The following GALR1 variants were observed in gnomAD, a reference collection of about 807,000 sequenced individuals.
GALR1 encodes galanin receptor type 1.
A neutral mutation model predicts 17.9 loss-of-function variants in GALR1; 11 were observed. The ratio of observed to expected loss-of-function variants is 0.62; its 90% confidence interval spans 0.39 to 1.02. The LOEUF is 1.02. Among genes scored for constraint, GALR1 ranks in the 50% least tolerant of loss-of-function variants. GALR1 has a pLI of 0.01. For synonymous variants in GALR1, 206 were observed against 205.7 expected (o/e 1.00, Z -0.01); for missense variants, 441 against 456.9 (o/e 0.97, Z 0.32).
In GALR1 at chr18:77,269,248, A is replaced by T; in HGVS notation, c.*346A>T. 5.8e-6 allele frequency: 1 copy of T among 173,782 alleles called. No homozygotes were observed. Among genetic ancestry groups the T allele is most frequent in the Non-Finnish European group, 1.2e-5 (1 of 83,206 alleles). 10.8% of individuals were successfully genotyped at this position (173,782 alleles called of 1,614,324 possible). A position where few individuals can be genotyped will look rare whatever the true frequency, so the allele number is the denominator to read the frequency against. ...GAACTGGCCCATCAATATGGTCAGGAATATTTGCAGTCTACATTTTAAAGC... is the reference window on the plus strand; with the variant it reads ...GAACTGGCCCATCAATATGGTCAGGTATATTTGCAGTCTACATTTTAAAGC... On this transcript the variant is annotated 3_prime_UTR_variant, in exon 3 of 3. Transcript: ENST00000299727.
rs77911840 is a variant in GALR1 at position 77,275,283 on chromosome 18, A to G, written c.*6381A>G. ...CGTCTGCTCAGTGAGAGGAATTCCA[A>G]TGCTGGGTCTTGACTCCCGCTGCAG... On this transcript the variant is annotated 3_prime_UTR_variant, in exon 3 of 3. Transcript: ENST00000299727. 407 of 152,366 alleles carry G rather than the reference A, an allele frequency of 2.7e-3. 4 individuals carry two copies. The East Asian group carries it at 0.06, about 22-fold the overall frequency. The allele number at this position is 152,366 out of a possible 1,614,324, so 9.4% of individuals were successfully genotyped here. A position where few individuals can be genotyped will look rare whatever the true frequency, so the allele number is the denominator to read the frequency against.
At chr18:77,251,754 G>T (rs528101579) in intron 1 of GALR1, among the ~76,000 whole-genome samples, 2 of 152,162 alleles carry the variant, frequency 1.3e-5, no homozygotes, top group Non-Finnish European at 2.9e-5. Context: ...GGCCGTGGCG[G>T]GGGGGACTCG....
At position 77,268,650 on chromosome 18, in the gene GALR1, C is replaced by T. The variant is rs1303344820; in HGVS notation, c.798C>T (p.Ile266=). ...TCTCCTGGCTGCCGCACCACATCATCCATCTCTGGGCTGAGTTTGGAGTTT... is the reference window on the plus strand; with the variant it reads ...TCTCCTGGCTGCCGCACCACATCATTCATCTCTGGGCTGAGTTTGGAGTTT... ...FGISWLPHHI[I]HLWAEFGVFP... Residue 266 remains isoleucine, a synonymous_variant, in exon 3 of 3, where the codon ATC becomes ATT. Transcript: ENST00000299727. 17 of 1,614,022 alleles carry T rather than the reference C, an allele frequency of 1.1e-5. No homozygotes were observed. In the South Asian group the frequency reaches 1.1e-4, roughly 10 times the overall value.
At chr18:77,252,874 A>T in intron 1 of GALR1, among the ~76,000 whole-genome samples, 2 of 130,264 alleles carry the variant, frequency 1.5e-5, no homozygotes, top group South Asian at 2.6e-4. Context: ...CACCACCACC[A>T]CCACCATCAC....
chr18:77,252,908 C>CCAT (rs1568139035), intron 1 of GALR1, among the ~76,000 whole-genome samples: 23 of 46,340 alleles, frequency 5.0e-4, no homozygotes, highest in African/African-American at 1.1e-3. Context: ...ACCACCACCA[C>CCAT]CACCACCACC....
At chr18:77,258,686 G>C (rs1248981215) in intron 2 of GALR1, among the ~76,000 whole-genome samples, 41 of 147,122 alleles carry the variant, frequency 2.8e-4, no homozygotes, top group African/African-American at 8.9e-4. Flanking sequence ...TGGTGATGGT[G>C]ATGGTGGTGG....
rs1912356080 is a variant in GALR1 at position 77,250,078 on chromosome 18, G to A, written c.-471G>A. ...CACTGCTGCGCGCTGGGCAGTGCGG[G>A]GAAGCGCCGCGGGAAGGAGCGGCTC... On this transcript the variant is annotated 5_prime_UTR_variant, in exon 1 of 3. Transcript: ENST00000299727. Among the ~76,000 whole-genome samples the A allele has an allele frequency of 6.6e-6, 1 of 152,216 alleles. No homozygotes were observed. The highest frequency in any genetic ancestry group is 1.5e-5 in the Non-Finnish European group (1 of 68,040).
Position 77,256,143 on chromosome 18 carries a change from G to C in GALR1, c.667-15G>C. Reference sequence around the variant, plus strand: ...GAGGTGAGGCGAACTGATTTCAATAGTCTGTGTCTTTCAGGTCCTTAATCA... The same window carrying C: ...GAGGTGAGGCGAACTGATTTCAATACTCTGTGTCTTTCAGGTCCTTAATCA... On this transcript the variant is annotated splice_polypyrimidine_tract_variant and intron_variant, in intron 1 of 2. Coordinates refer to ENST00000299727, the MANE Select transcript of GALR1 (RefSeq NM_001480.4). The C allele has an allele frequency of 1.9e-6, 3 of 1,544,974 alleles. No individual in the cohort carries two copies. Among genetic ancestry groups the C allele is most frequent in the South Asian group, 1.1e-5 (1 of 89,276 alleles).
intron 2 of GALR1, among the ~76,000 whole-genome samples, chr18:77,258,710 GTGGTGC>G (rs1175112797): frequency 5.3e-5 from 3 of 57,012 alleles, no homozygotes; most frequent in African/African-American, 1.2e-4. Flanking sequence ...TCATGTGATG[GTGGTGC>G]TGGTGATGGT....
At chr18:77,253,642 T>C (rs1423877439) in intron 1 of GALR1, 1 of 152,220 alleles carries the variant, frequency 6.6e-6, no homozygotes, top group Non-Finnish European at 1.5e-5. Flanking sequence ...TTTCTTTGGC[T>C]CAGGCATTAG....
At chr18:77,262,455 G>A (rs756674998) in intron 2 of GALR1, among the ~76,000 whole-genome samples, 4 of 152,162 alleles carry the variant, frequency 2.6e-5, no homozygotes, top group African/African-American at 4.8e-5. Flanking sequence ...ACCAGCATCC[G>A]TTGCAAGGGA....
chr18:77,270,331 A>G lies in GALR1; in HGVS notation c.*1429A>G, dbSNP rs188603163. The G allele has an allele frequency of 1.3e-5, 2 of 152,336 alleles. No individual in the cohort carries two copies. Among genetic ancestry groups the G allele is most frequent in the East Asian group, 3.9e-4 (2 of 5,176 alleles). The allele number at this position is 152,336 out of a possible 1,614,324, so 9.4% of individuals were successfully genotyped here. On this transcript the variant is annotated 3_prime_UTR_variant, in exon 3 of 3. Transcript: ENST00000299727. ...GGAGTTTGAGACCAGTGTGGGCAAC[A>G]TGGCAAAACTCGGTCTCTACTAAAA...
chr18:77,252,980 TCACCACCATCACCACCACCAC>T (rs1912494870), intron 1 of GALR1, among the ~76,000 whole-genome samples: 25 of 22,974 alleles, frequency 1.1e-3, no homozygotes, highest in Admixed American at 1.8e-3. Context: ...ATCACCACCA[TCACCACCATCACCACCACCAC>T]CACCACCACC....
At position 77,258,597 on chromosome 18, in the gene GALR1, GTGGTCA is replaced by G. The variant is rs1347641085; in HGVS notation, c.732+2379_732+2384del. Among the ~76,000 whole-genome samples, 64 of 144,518 alleles carry G rather than the reference GTGGTCA, an allele frequency of 4.4e-4. No individual in the cohort carries two copies. In the South Asian group the frequency reaches 0.015, roughly 33 times the overall value. 94.8% of individuals were successfully genotyped at this position (144,518 alleles called of 152,430 possible). A position where few individuals can be genotyped will look rare whatever the true frequency, so the allele number is the denominator to read the frequency against. ...GGTGGTGGTCATGGTGGTGATGGTG[GTGGTCA>G]TGGTGGTGATGGTGGTGGTGGTGAT... On this transcript the variant is annotated intron_variant, in intron 2 of 2. Coordinates refer to ENST00000299727, the MANE Select transcript of GALR1 (RefSeq NM_001480.4).
Position 77,259,845 on chromosome 18 carries a change from G to C in GALR1, c.732+3622G>C, listed in dbSNP as rs141795023. 2.9e-3 allele frequency among the ~76,000 whole-genome samples: 441 copies of C among 152,094 alleles called. 6 individuals carry two copies. The highest frequency in any genetic ancestry group is 1.0e-2 in the African/African-American group (413 of 41,462). ...CGGAGAGAGGGGGACAGAGGCAGGA[G>C]AGGTGAGACAGGGGAGACTCGGGAA... On this transcript the variant is annotated intron_variant, in intron 2 of 2. Transcript: ENST00000299727.
At chr18:77,252,922 AT>A (rs1912475421) in intron 1 of GALR1, among the ~76,000 whole-genome samples, 2 of 82,520 alleles carry the variant, frequency 2.4e-5, no homozygotes, top group Admixed American at 1.2e-4. Context: ...CACCACCACC[AT>A]CACCACCACC....
rs534846146 is a variant in GALR1 at position 77,266,812 on chromosome 18, A to T, written c.733-1773A>T. ...GAACAGCATGAAGGTAACTGCCCCCATGATTCAATTACCTCTCACTGGGTC... is the reference window on the plus strand; with the variant it reads ...GAACAGCATGAAGGTAACTGCCCCCTTGATTCAATTACCTCTCACTGGGTC... On this transcript the variant is annotated intron_variant, in intron 2 of 2. Coordinates refer to ENST00000299727, the MANE Select transcript of GALR1 (RefSeq NM_001480.4). 5.9e-5 allele frequency among the ~76,000 whole-genome samples: 9 copies of T among 152,298 alleles called. No homozygotes were observed. The East Asian group carries it at 1.7e-3, about 29-fold the overall frequency.
chr18:77,268,896 T>G lies in GALR1; in HGVS notation c.1044T>G (p.His348Gln), dbSNP rs779826907. ...CCCCACCATCAACCAATTGTACTCA[T>G]GTGTGATAAAAGATAGAGTATCCTT... ...IDTPPSTNCT[H>Q]V is the part of the protein sequence containing the mutation. Residue 348 changes from histidine (H) to glutamine (Q), a missense_variant, in exon 3 of 3, where the codon CAT (histidine) becomes CAG (glutamine). His to Gln is a conservative substitution (Grantham distance 24). Coordinates refer to ENST00000299727, the MANE Select transcript of GALR1 (RefSeq NM_001480.4). The G allele has an allele frequency of 2.1e-5, 34 of 1,606,810 alleles. No homozygotes were observed. Among genetic ancestry groups the G allele is most frequent in the Middle Eastern group, 1.6e-4 (1 of 6,074 alleles).
At chr18:77,261,636 G>A (rs1912832399) in intron 2 of GALR1, among the ~76,000 whole-genome samples, 1 of 151,520 alleles carries the variant, frequency 6.6e-6, no homozygotes, top group Non-Finnish European at 1.5e-5. Context: ...ACTTTCTGAT[G>A]TTTCCATGGG....
Sources: allele counts gnomAD v4.1 joint callset (sites outside exome capture counted in the v4.1 genomes callset), GRCh38; gene constraint gnomAD v4.1.1; transcripts MANE v1.5; gene names NCBI Gene and HGNC (gene_info 2026-07-23, HGNC 2026-07-21).